Variants in HTR1F observed in about 807,000 individuals in gnomAD.
HTR1F encodes 5-hydroxytryptamine receptor 1F, also known as 5-hydroxytryptamine (serotonin) receptor 1F, G protein-coupled.
A neutral mutation model predicts 24.0 loss-of-function variants in HTR1F; 17 were observed. The observed-to-expected ratio is 0.71, with a 90% confidence interval of 0.48 to 1.06. HTR1F has a LOEUF of 1.06. Among genes scored for constraint, HTR1F ranks in the 50% least tolerant of loss-of-function variants. The probability of loss-of-function intolerance (pLI) is 0.00; values close to 1 mark genes in which losing one functional copy is unlikely to be tolerated. For synonymous variants in HTR1F, 186 were observed against 156.8 expected (o/e 1.19, Z -1.39); for missense variants, 391 against 427.8 (o/e 0.91, Z 0.76).
intron 2 of HTR1F, among the ~76,000 whole-genome samples, chr3:87,911,055 C>T (rs74881585): frequency 2.1e-3 from 312 of 151,766 alleles, no homozygotes; most frequent in African/African-American, 7.4e-3. Context: ...AAGATCACGA[C>T]TAAAAGAACT....
chr3:87,862,320 A>G (rs569956873), intron 2 of HTR1F, among the ~76,000 whole-genome samples: 1 of 152,294 alleles, frequency 6.6e-6, no homozygotes, highest in East Asian at 1.9e-4. Context: ...AGTAAACTTC[A>G]TTTGTTTTTA....
chr3:87,887,355 C>T (rs1420403996), intron 2 of HTR1F, among the ~76,000 whole-genome samples: 1 of 152,024 alleles, frequency 6.6e-6, no homozygotes, highest in Non-Finnish European at 1.5e-5. Flanking sequence ...AATGTTAGAC[C>T]TAAAACCATA....
chr3:87,901,644 T>C (rs142242669), intron 2 of HTR1F, among the ~76,000 whole-genome samples: 2 of 152,154 alleles, frequency 1.3e-5, no homozygotes, highest in East Asian at 3.9e-4. Flanking sequence ...GCCAACTGCT[T>C]AAGCGATTAT....
intron 2 of HTR1F, among the ~76,000 whole-genome samples, chr3:87,908,359 T>A (rs1461575465): frequency 6.6e-6 from 1 of 151,966 alleles, no homozygotes; most frequent in Non-Finnish European, 1.5e-5. Flanking sequence ...TATTATGAAA[T>A]GTGTGTGCAG....
intron 2 of HTR1F, among the ~76,000 whole-genome samples, chr3:87,930,499 GT>G (rs1300001942): frequency 6.6e-6 from 1 of 152,120 alleles, no homozygotes; most frequent in Non-Finnish European, 1.5e-5. Flanking sequence ...GTGAAACGAT[GT>G]TGAATTTTAT....
chr3:87,875,885 C>T lies in HTR1F; in HGVS notation c.-43+53761C>T, dbSNP rs561710109. ...CTTGCAGTGAGCCAAGATCACGCTACTGCACTCCAGCCTGGGCAGAAGAGC... is the reference window on the plus strand; with the variant it reads ...CTTGCAGTGAGCCAAGATCACGCTATTGCACTCCAGCCTGGGCAGAAGAGC... On this transcript the variant is annotated intron_variant, in intron 2 of 2. Transcript: ENST00000319595. Among the ~76,000 whole-genome samples the T allele has an allele frequency of 4.8e-5, 7 of 145,122 alleles. No homozygotes were observed. The Admixed American group carries it at 5.0e-4, about 10-fold the overall frequency.
intron 2 of HTR1F, among the ~76,000 whole-genome samples, chr3:87,983,787 T>TA (rs1408945904): frequency 1.3e-5 from 2 of 152,190 alleles, no homozygotes; most frequent in East Asian, 3.8e-4. Context: ...TAAAAAAACA[T>TA]AGACCATTTT....
At chr3:87,981,129 C>T (rs1705534531) in intron 2 of HTR1F, among the ~76,000 whole-genome samples, 1 of 152,172 alleles carries the variant, frequency 6.6e-6, no homozygotes, top group South Asian at 2.1e-4. Flanking sequence ...TTTGCAGCAA[C>T]CTCTCCAGAT....
At chr3:87,958,506 G>A (rs532183443) in intron 2 of HTR1F, among the ~76,000 whole-genome samples, 1 of 151,580 alleles carries the variant, frequency 6.6e-6, no homozygotes, top group South Asian at 2.1e-4. Flanking sequence ...ATGGTTTATA[G>A]GAGGCACTCC....
intron 2 of HTR1F, among the ~76,000 whole-genome samples, chr3:87,887,188 T>C (rs958652189): frequency 1.3e-5 from 2 of 152,202 alleles, no homozygotes; most frequent in Non-Finnish European, 2.9e-5. Context: ...TACAACCATC[T>C]GGCCTTTGAA....
chr3:87,841,090 G>A (rs980502557), intron 2 of HTR1F, among the ~76,000 whole-genome samples: 3 of 151,826 alleles, frequency 2.0e-5, no homozygotes, highest in Non-Finnish European at 4.4e-5. Flanking sequence ...TCTTGGCACA[G>A]AGAAATGATA....
intron 2 of HTR1F, among the ~76,000 whole-genome samples, chr3:87,969,787 G>C (rs1211380012): frequency 6.6e-6 from 1 of 152,200 alleles, no homozygotes; most frequent in Non-Finnish European, 1.5e-5. Flanking sequence ...TGGTTTGGCT[G>C]TGTCCCCACC....
At chr3:87,942,131 G>A (rs1015918190) in intron 2 of HTR1F, among the ~76,000 whole-genome samples, 9 of 152,034 alleles carry the variant, frequency 5.9e-5, no homozygotes, top group African/African-American at 1.9e-4. Context: ...ACAACAAATG[G>A]GTGTTCCTTC....
At chr3:87,897,686 C>T (rs1018371502) in intron 2 of HTR1F, among the ~76,000 whole-genome samples, 11 of 152,064 alleles carry the variant, frequency 7.2e-5, no homozygotes, top group African/African-American at 2.7e-4. Context: ...CTCTTTCCTG[C>T]CTCTCCTTGA....
At chr3:87,855,747 C>G (rs954233757) in intron 2 of HTR1F, among the ~76,000 whole-genome samples, 1 of 152,020 alleles carries the variant, frequency 6.6e-6, no homozygotes, top group Non-Finnish European at 1.5e-5. Flanking sequence ...GTGCATCATT[C>G]TGAGTAGCAT....
At chr3:87,905,873 A>T (rs544519566) in intron 2 of HTR1F, among the ~76,000 whole-genome samples, 4 of 152,230 alleles carry the variant, frequency 2.6e-5, no homozygotes, top group South Asian at 2.1e-4. Flanking sequence ...TGGGTGATAA[A>T]CTGCAAGGAA....
chr3:87,928,006 C>T (rs2107396055), intron 2 of HTR1F, among the ~76,000 whole-genome samples: 1 of 151,106 alleles, frequency 6.6e-6, no homozygotes, highest in South Asian at 2.1e-4. Flanking sequence ...CTCTCTGTGC[C>T]TTAAATTACC....
chr3:87,910,693 A>G (rs1377190368), intron 2 of HTR1F, among the ~76,000 whole-genome samples: 2 of 151,930 alleles, frequency 1.3e-5, no homozygotes, highest in East Asian at 1.9e-4. Flanking sequence ...TATATGGCCC[A>G]TACTCTAAAA....
At chr3:87,889,743 T>G (rs1706038054) in intron 2 of HTR1F, among the ~76,000 whole-genome samples, 1 of 152,220 alleles carries the variant, frequency 6.6e-6, no homozygotes, top group South Asian at 2.1e-4. Context: ...ATTTAATGTC[T>G]GGAAACCTAT....
Sources: allele counts gnomAD v4.1 joint callset (sites outside exome capture counted in the v4.1 genomes callset), GRCh38; gene constraint gnomAD v4.1.1; transcripts MANE v1.5; gene names NCBI Gene and HGNC (gene_info 2026-07-23, HGNC 2026-07-21).